The following SLC35F2 variants were observed in gnomAD, a reference collection of about 807,000 sequenced individuals.
The protein encoded by SLC35F2 is solute carrier family 35 member F2, also known as queuine/queuosine transporter SLC35F2.
Under a neutral mutation model 38.1 loss-of-function variants are expected in SLC35F2, and 25 were observed. That is an observed-to-expected ratio of 0.66 (90% CI 0.48 to 0.92). The LOEUF is 0.92. Among genes scored for constraint, SLC35F2 ranks in the 40% least tolerant of loss-of-function variants. SLC35F2 has a pLI of 0.00. For missense variants in SLC35F2, 409 were observed against 452.9 expected (o/e 0.90, Z 0.88); for synonymous variants, 173 against 181.7 (o/e 0.95, Z 0.38).
At chr11:107,837,849 C>G (rs976941946) in intron 1 of SLC35F2, among the ~76,000 whole-genome samples, 4 of 152,040 alleles carry the variant, frequency 2.6e-5, no homozygotes, top group Admixed American at 2.0e-4. Flanking sequence ...ATATGTTCCA[C>G]TTGCTTTACT....
At chr11:107,822,345 A>T (rs910542734) in intron 1 of SLC35F2, among the ~76,000 whole-genome samples, 6 of 152,260 alleles carry the variant, frequency 3.9e-5, no homozygotes, top group African/African-American at 1.4e-4. Flanking sequence ...TCCATTCCAA[A>T]ATAGATACTT....
intron 1 of SLC35F2, among the ~76,000 whole-genome samples, chr11:107,833,074 T>C (rs1859873607): frequency 6.6e-6 from 1 of 152,240 alleles, no homozygotes; most frequent in Non-Finnish European, 1.5e-5. Context: ...TTTATTTACT[T>C]ATTACATTCA....
intron 1 of SLC35F2, among the ~76,000 whole-genome samples, chr11:107,850,619 C>T (rs1379386072): frequency 1.3e-5 from 2 of 151,986 alleles, no homozygotes; most frequent in East Asian, 1.9e-4. Flanking sequence ...GCCAGGAGTT[C>T]GAGACCAGCC....
At chr11:107,824,296 C>CA (rs1472274389) in intron 1 of SLC35F2, among the ~76,000 whole-genome samples, 1 of 152,012 alleles carries the variant, frequency 6.6e-6, no homozygotes, top group Non-Finnish European at 1.5e-5. Flanking sequence ...TGTTTATTAA[C>CA]AAAAAATGCA....
intron 1 of SLC35F2, among the ~76,000 whole-genome samples, chr11:107,827,854 T>G (rs1297925862): frequency 6.6e-6 from 1 of 152,074 alleles, no homozygotes; most frequent in African/African-American, 2.4e-5. Context: ...CAGGTTGCAG[T>G]GAGCCGAGAT....
intron 1 of SLC35F2, among the ~76,000 whole-genome samples, chr11:107,842,562 C>G (rs1319079200): frequency 6.6e-6 from 1 of 152,096 alleles, no homozygotes; most frequent in Non-Finnish European, 1.5e-5. Context: ...CTCTGTCACC[C>G]AGGCTGGAAT....
At chr11:107,845,672 G>A (rs1171520461) in intron 1 of SLC35F2, among the ~76,000 whole-genome samples, 1 of 151,210 alleles carries the variant, frequency 6.6e-6, no homozygotes, top group Non-Finnish European at 1.5e-5. Flanking sequence ...ATAGGCTCTG[G>A]CTGGGCACGG....
intron 1 of SLC35F2, among the ~76,000 whole-genome samples, chr11:107,837,586 C>T (rs1340371946): frequency 6.6e-6 from 1 of 151,222 alleles, no homozygotes; most frequent in Non-Finnish European, 1.5e-5. Flanking sequence ...CCCAGCTACT[C>T]GGGAGGCTGA....
intron 1 of SLC35F2, among the ~76,000 whole-genome samples, chr11:107,842,400 C>A (rs376474356): frequency 1.5e-3 from 234 of 151,600 alleles, no homozygotes; most frequent in African/African-American, 5.1e-3. Context: ...TGTTGCCAGG[C>A]TGAAGTGCAG....
chr11:107,827,504 T>C (rs1859770835), intron 1 of SLC35F2, among the ~76,000 whole-genome samples: 1 of 152,008 alleles, frequency 6.6e-6, no homozygotes, highest in Non-Finnish European at 1.5e-5. Context: ...ATCCCAGCAC[T>C]TCAGGAGGCC....
intron 6 of SLC35F2, 60 bp from the exon 7 acceptor site, chr11:107,803,215 T>C: frequency 2.0e-6 from 3 of 1,511,412 alleles, no homozygotes; most frequent in African/African-American, 1.4e-5. Flanking sequence ...ACAAAGGAGT[T>C]TGAGGCTTAG....
intron 1 of SLC35F2, among the ~76,000 whole-genome samples, chr11:107,840,937 G>A (rs377007562): frequency 3.3e-5 from 5 of 151,990 alleles, no homozygotes; most frequent in East Asian, 1.9e-4. Flanking sequence ...CGGAGGCGGC[G>A]AGGAGATTTC....
intron 1 of SLC35F2, among the ~76,000 whole-genome samples, chr11:107,820,889 G>C (rs1430312884): frequency 3.3e-5 from 5 of 152,312 alleles, no homozygotes; most frequent in East Asian, 1.9e-4. Flanking sequence ...CTGGGAGGCA[G>C]AGGTTTCAGT....
At position 107,841,696 on chromosome 11, in the gene SLC35F2, G is replaced by A. The variant is rs762329052; in HGVS notation, c.110+16962C>T. Among the ~76,000 whole-genome samples the A allele has an allele frequency of 3.9e-5, 6 of 152,086 alleles. 1 individual carries two copies. The highest frequency in any genetic ancestry group is 3.3e-4 in the Admixed American group (5 of 15,260). ...ATCAAAAATTTTAAAGCCTGGCCGGGCGCAGTGGCTCACACTTGTAATCCC... is the reference window on the plus strand; with the variant it reads ...ATCAAAAATTTTAAAGCCTGGCCGGACGCAGTGGCTCACACTTGTAATCCC... On this transcript the variant is annotated intron_variant, in intron 1 of 7. Transcript: ENST00000525815.
chr11:107,803,580 G>A, intron 6 of SLC35F2: 1 of 820,886 alleles, frequency 1.2e-6, no homozygotes, highest in Non-Finnish European at 1.5e-6. Flanking sequence ...TGTATAATTG[G>A]ATTCAGAATA....
At chr11:107,829,589 T>C (rs1207997017) in intron 1 of SLC35F2, among the ~76,000 whole-genome samples, 1 of 150,248 alleles carries the variant, frequency 6.7e-6, no homozygotes, top group Non-Finnish European at 1.5e-5. Flanking sequence ...CTTTTCTGTA[T>C]AAATTACCAG....
At chr11:107,838,097 T>G in intron 1 of SLC35F2, among the ~76,000 whole-genome samples, 1 of 152,130 alleles carries the variant, frequency 6.6e-6, no homozygotes. Context: ...CACAGAGATG[T>G]TAAGTAACTT....
intron 4 of SLC35F2, 157 bp from the exon 5 acceptor site, chr11:107,805,672 ATGTG>A (rs373481843): frequency 1.3e-5 from 12 of 930,260 alleles, no homozygotes; most frequent in Non-Finnish European, 1.4e-5. Context: ...GTGTGTGTGT[ATGTG>A]TGTGTGTGTA....
chr11:107,852,769 G>A (rs1860207879), intron 1 of SLC35F2, among the ~76,000 whole-genome samples: 1 of 151,840 alleles, frequency 6.6e-6, no homozygotes, highest in African/African-American at 2.4e-5. Context: ...CTACTACTAG[G>A]GAGGCTGAGG....
Sources: allele counts gnomAD v4.1 joint callset (sites outside exome capture counted in the v4.1 genomes callset), GRCh38; gene constraint gnomAD v4.1.1; transcripts MANE v1.5; gene names NCBI Gene and HGNC (gene_info 2026-07-23, HGNC 2026-07-21).